Variants in AFG1L observed in about 807,000 individuals in gnomAD.
AFG1L encodes AFG1 like ATPase.
AFG1L carries 53 observed loss-of-function variants against 62.2 expected under a neutral mutation model. The ratio of observed to expected loss-of-function variants is 0.85; its 90% CI spans 0.68 to 1.07. AFG1L has a LOEUF of 1.07. Among genes scored for constraint, AFG1L ranks in the 50% least tolerant of loss-of-function variants. The pLI, the probability that AFG1L is intolerant of heterozygous loss-of-function variation, is 0.00. For synonymous variants in AFG1L, 228 were observed against 210.3 expected (o/e 1.08, Z -0.73); for missense variants, 555 against 590.5 (o/e 0.94, Z 0.62).
chr6:108,373,699 C>G (rs1054259134), intron 6 of AFG1L, among the ~76,000 whole-genome samples: 4 of 151,496 alleles, frequency 2.6e-5, no homozygotes, highest in Non-Finnish European at 5.9e-5. Flanking sequence ...GCGTCAGCCT[C>G]TCGAGTAGCT....
chr6:108,482,168 C>T (rs956076223), intron 10 of AFG1L, among the ~76,000 whole-genome samples: 10 of 152,190 alleles, frequency 6.6e-5, no homozygotes, highest in African/African-American at 9.6e-5. Flanking sequence ...ATCTGCATAA[C>T]TCAATGAACC....
At chr6:108,297,275 T>C (rs1003513871) in intron 1 of AFG1L, among the ~76,000 whole-genome samples, 8 of 152,100 alleles carry the variant, frequency 5.3e-5, no homozygotes, top group African/African-American at 1.9e-4. Context: ...GCCTGGCTAG[T>C]TTTTGTATTT....
intron 6 of AFG1L, among the ~76,000 whole-genome samples, chr6:108,398,403 G>GAGAAA (rs1781409624): frequency 6.6e-6 from 1 of 152,024 alleles, no homozygotes. Flanking sequence ...CATTCTGTGG[G>GAGAAA]TTGTCTCTTC....
intron 8 of AFG1L, among the ~76,000 whole-genome samples, chr6:108,456,609 C>A (rs1454655392): frequency 6.6e-6 from 1 of 151,966 alleles, no homozygotes; most frequent in Admixed American, 6.6e-5. Context: ...TTTATCACCC[C>A]AGAAAGAAAC....
In AFG1L at chr6:108,352,752, G is replaced by A. The variant is rs866733173; in HGVS notation, c.416-2902G>A. On this transcript the variant is annotated intron_variant, in intron 3 of 12. Transcript: ENST00000368977. The stretch of plus-strand genomic sequence containing the variant: ...ACTAATTTTTATATTTTTTTGTGGA[G>A]ATGGGATTTTGCCATATCACCCGGG... Among the ~76,000 whole-genome samples the A allele has an allele frequency of 2.0e-5, 3 of 151,946 alleles. No individual in the cohort carries two copies. The South Asian group carries it at 6.2e-4, about 32-fold the overall frequency.
intron 8 of AFG1L, among the ~76,000 whole-genome samples, chr6:108,471,840 C>T (rs753525343): frequency 3.9e-5 from 6 of 152,054 alleles, no homozygotes; most frequent in Non-Finnish European, 8.8e-5. Context: ...TGCTTCATTC[C>T]GAAACTTGCT....
intron 8 of AFG1L, 80 bp from the exon 9 acceptor site, chr6:108,476,785 A>T: frequency 3.1e-6 from 3 of 955,498 alleles, no homozygotes; most frequent in Non-Finnish European, 5.0e-6. Flanking sequence ...ATGGGCAAAA[A>T]GCTAAGCAGT....
chr6:108,358,840 G>A (rs1437937511), intron 5 of AFG1L, among the ~76,000 whole-genome samples: 1 of 152,120 alleles, frequency 6.6e-6, no homozygotes, highest in Admixed American at 6.5e-5. Context: ...GGCCTGATTG[G>A]CATGTTTTTA....
chr6:108,484,230 T>C (rs1773438709), intron 10 of AFG1L, among the ~76,000 whole-genome samples: 1 of 152,216 alleles, frequency 6.6e-6, no homozygotes, highest in Admixed American at 6.5e-5. Flanking sequence ...TTTTATAGCA[T>C]TGCTGATCTG....
At chr6:108,399,592 T>C (rs1781471806) in intron 6 of AFG1L, among the ~76,000 whole-genome samples, 1 of 151,852 alleles carries the variant, frequency 6.6e-6, no homozygotes, top group Non-Finnish European at 1.5e-5. Flanking sequence ...TGCTGGCATA[T>C]ATAAATGCTA....
rs183622440 is a variant in AFG1L at position 108,483,385 on chromosome 6, G to A, written c.1062+6093G>A. On this transcript the variant is annotated intron_variant, in intron 10 of 12. Coordinates refer to ENST00000368977, the MANE Select transcript of AFG1L (RefSeq NM_145315.5). ...TAACCCATATAAGCAAACATTCCTT[G>A]GGTTCCTCAATAATTTTTAAAAGTA... Among the ~76,000 whole-genome samples, 12 of 152,152 alleles carry A rather than the reference G, an allele frequency of 7.9e-5. No homozygotes were observed. The East Asian group carries it at 2.3e-3, about 29-fold the overall frequency.
intron 10 of AFG1L, among the ~76,000 whole-genome samples, chr6:108,483,105 G>A (rs2114830233): frequency 6.6e-6 from 1 of 152,082 alleles, no homozygotes; most frequent in South Asian, 2.1e-4. Context: ...GCAATAGATT[G>A]GATGTAAAAA....
chr6:108,499,332 G>A (rs993942782), intron 10 of AFG1L, among the ~76,000 whole-genome samples: 2 of 151,894 alleles, frequency 1.3e-5, no homozygotes, highest in Non-Finnish European at 2.9e-5. Context: ...GCCTCCCAAA[G>A]TGCTGGGATT....
intron 1 of AFG1L, among the ~76,000 whole-genome samples, chr6:108,298,757 T>A (rs547345675): frequency 1.2e-4 from 18 of 152,240 alleles, no homozygotes; most frequent in African/African-American, 4.1e-4. Flanking sequence ...ATAGAAGTGA[T>A]CAGATCTATT....
At chr6:108,447,946 G>A (rs1253188195) in intron 8 of AFG1L, among the ~76,000 whole-genome samples, 3 of 152,136 alleles carry the variant, frequency 2.0e-5, no homozygotes, top group Non-Finnish European at 4.4e-5. Context: ...ACAGTGTTGG[G>A]CACATAGCAA....
chr6:108,326,683 GACGCAGTGGCTC>G (rs1778056603), intron 2 of AFG1L, among the ~76,000 whole-genome samples: 1 of 152,210 alleles, frequency 6.6e-6, no homozygotes, highest in South Asian at 2.1e-4. Flanking sequence ...TGAGGGGCCA[GACGCAGTGGCTC>G]ACGCCTGTAA....
chr6:108,295,297 T>G (rs1582542268), intron 1 of AFG1L, 79 bp downstream of exon 1: 4 of 1,486,920 alleles, frequency 2.7e-6, no homozygotes, highest in East Asian at 2.3e-5. Flanking sequence ...CCCTGTCCGA[T>G]CTACCCCAGG....
intron 6 of AFG1L, among the ~76,000 whole-genome samples, chr6:108,383,670 G>C (rs1780640195): frequency 6.6e-6 from 1 of 152,154 alleles, no homozygotes; most frequent in Non-Finnish European, 1.5e-5. Flanking sequence ...TGTTCCCTTT[G>C]CAGGGAGAGT....
intron 10 of AFG1L, among the ~76,000 whole-genome samples, chr6:108,504,107 A>C (rs1774304546): frequency 6.6e-6 from 1 of 152,164 alleles, no homozygotes; most frequent in Admixed American, 6.5e-5. Context: ...ATGCTTTTTT[A>C]CTTTCTTATA....
Sources: gnomAD v4.1 joint callset for allele counts (sites outside exome capture counted in the v4.1 genomes callset) on GRCh38, gnomAD v4.1.1 for gene constraint, MANE v1.5 for transcripts, NCBI Gene and HGNC (gene_info 2026-07-23, HGNC 2026-07-21) for gene names.